Variants in LCOR observed in about 807,000 individuals in gnomAD.
LCOR encodes the protein ligand dependent nuclear receptor corepressor.
Under a neutral mutation model 64.4 loss-of-function variants are expected in LCOR, and 14 were observed. The ratio of observed to expected loss-of-function variants is 0.22; its 90% CI spans 0.14 to 0.34. The LOEUF (loss-of-function observed/expected upper bound fraction) is 0.34. Among genes scored for constraint, LCOR ranks in the 10% least tolerant of loss-of-function variants. The pLI, the probability that LCOR is intolerant of heterozygous loss-of-function variation, is 1.00. For missense variants in LCOR, 1,686 were observed against 1,765.3 expected (o/e 0.96, Z 0.80); for synonymous variants, 643 against 642.5 (o/e 1.00, Z -0.01).
At chr10:96,853,413 AAGAT>A (rs1474706066) in intron 2 of LCOR, among the ~76,000 whole-genome samples, 1 of 152,244 alleles carries the variant, frequency 6.6e-6, no homozygotes, top group African/African-American at 2.4e-5. Context: ...CTACCAAAAT[AAGAT>A]AGTGTTTCAG....
At chr10:96,867,198 G>A (rs1377384545) in intron 2 of LCOR, among the ~76,000 whole-genome samples, 1 of 151,922 alleles carries the variant, frequency 6.6e-6, no homozygotes, top group African/African-American at 2.4e-5. Flanking sequence ...TCTCCATGTT[G>A]GTCAGGCTGA....
At chr10:96,916,283 G>C (rs1017585395) in intron 4 of LCOR, among the ~76,000 whole-genome samples, 5 of 151,896 alleles carry the variant, frequency 3.3e-5, no homozygotes, top group Non-Finnish European at 7.4e-5. Flanking sequence ...CGCCCACCTC[G>C]GCCTCCCAAA....
At chr10:96,951,991 A>G in intron 6 of LCOR, 112 bp from the exon 7 acceptor site, 2 of 666,520 alleles carry the variant, frequency 3.0e-6, no homozygotes, top group South Asian at 3.8e-5. Context: ...TATGACTAGC[A>G]TATCTGCTTA....
In LCOR at chr10:96,832,308, G is replaced by A. The variant is rs1845347741; in HGVS notation, c.-495G>A. 1 of 982,848 alleles carries A rather than the reference G, an allele frequency of 1.0e-6. No individual in the cohort carries two copies. The highest frequency in any genetic ancestry group is 1.8e-5 in the African/African-American group (1 of 57,048). 60.9% of individuals were successfully genotyped at this position (982,848 alleles called of 1,614,324 possible). Reference sequence around the variant, plus strand: ...GGCCGGGCGGGCGGCAGAAGATGGCGAGGGTGTGTAGGCGGCAGCAATGCT... The same window carrying A: ...GGCCGGGCGGGCGGCAGAAGATGGCAAGGGTGTGTAGGCGGCAGCAATGCT... On this transcript the variant is annotated 5_prime_UTR_variant, in exon 1 of 8. Transcript: ENST00000421806.
intron 2 of LCOR, among the ~76,000 whole-genome samples, chr10:96,900,134 G>C (rs1428725747): frequency 6.6e-6 from 1 of 152,024 alleles, no homozygotes; most frequent in Non-Finnish European, 1.5e-5. Context: ...TCTATCTATA[G>C]ATTTGCCTTT....
intron 7 of LCOR, chr10:96,956,446 A>G (rs1589681969): frequency 1.0e-6 from 1 of 985,142 alleles, no homozygotes; most frequent in African/African-American, 1.7e-5. Context: ...TAAGAAGAAC[A>G]ATGAACCTTT....
At chr10:96,951,766 A>G (rs1847684898) in intron 6 of LCOR, among the ~76,000 whole-genome samples, 1 of 152,220 alleles carries the variant, frequency 6.6e-6, no homozygotes, top group Non-Finnish European at 1.5e-5. Context: ...AGGAAAATTT[A>G]GAAAATGGAG....
intron 4 of LCOR, among the ~76,000 whole-genome samples, chr10:96,935,522 T>C (rs1319854287): frequency 6.6e-6 from 1 of 152,130 alleles, no homozygotes; most frequent in Non-Finnish European, 1.5e-5. Flanking sequence ...GTTCATTTTA[T>C]TGGAAGGGTT....
chr10:96,934,211 A>G (rs1043066794), intron 4 of LCOR, among the ~76,000 whole-genome samples: 11 of 152,232 alleles, frequency 7.2e-5, no homozygotes, highest in Non-Finnish European at 1.3e-4. Flanking sequence ...GTAAGATTAC[A>G]TATATTGTTT....
chr10:96,968,929 C>T (rs1170749787), intron 7 of LCOR, among the ~76,000 whole-genome samples: 1 of 150,020 alleles, frequency 6.7e-6, no homozygotes, highest in Non-Finnish European at 1.5e-5. Context: ...AGTAAGAGAT[C>T]CTGTCTCCAA....
chr10:96,845,292 G>T (rs1055475551), intron 2 of LCOR, among the ~76,000 whole-genome samples: 3 of 151,838 alleles, frequency 2.0e-5, no homozygotes, highest in African/African-American at 7.3e-5. Flanking sequence ...AAAATGAGGG[G>T]AACGTCGGTG....
chr10:96,902,830 T>C (rs893718975), intron 2 of LCOR, among the ~76,000 whole-genome samples: 3 of 152,206 alleles, frequency 2.0e-5, no homozygotes, highest in African/African-American at 4.8e-5. Context: ...AATACAGTCA[T>C]GTGTTGCTTA....
chr10:96,931,704 T>G (rs1847264149), intron 4 of LCOR, among the ~76,000 whole-genome samples: 1 of 152,236 alleles, frequency 6.6e-6, no homozygotes, highest in African/African-American at 2.4e-5. Context: ...TCCTGAAAGC[T>G]GTATACAAAA....
intron 2 of LCOR, among the ~76,000 whole-genome samples, chr10:96,837,336 A>C (rs939733089): frequency 6.6e-6 from 1 of 151,852 alleles, no homozygotes; most frequent in African/African-American, 2.4e-5. Context: ...GGCTCACTGC[A>C]ACCTCCACCT....
intron 2 of LCOR, among the ~76,000 whole-genome samples, chr10:96,864,245 A>T (rs1408807166): frequency 6.6e-6 from 1 of 152,230 alleles, no homozygotes; most frequent in Non-Finnish European, 1.5e-5. Context: ...GGACAGTCCA[A>T]CATTCTGAGA....
At chr10:96,888,532 T>C (rs188562360) in intron 2 of LCOR, among the ~76,000 whole-genome samples, 1 of 152,122 alleles carries the variant, frequency 6.6e-6, no homozygotes, top group Non-Finnish European at 1.5e-5. Flanking sequence ...TGTAATTTTT[T>C]TTTGGTGTTA....
At chr10:96,852,923 T>G (rs1044513662) in intron 2 of LCOR, among the ~76,000 whole-genome samples, 3 of 152,244 alleles carry the variant, frequency 2.0e-5, no homozygotes, top group Non-Finnish European at 4.4e-5. Context: ...ACTTAAAACA[T>G]TTTAAAACAT....
chr10:96,875,671 G>A (rs1356293070), intron 2 of LCOR, among the ~76,000 whole-genome samples: 1 of 151,928 alleles, frequency 6.6e-6, no homozygotes, highest in Admixed American at 6.6e-5. Flanking sequence ...AGACCAACCT[G>A]GGCAACGTGG....
chr10:96,892,028 G>A (rs1446220410), intron 2 of LCOR, among the ~76,000 whole-genome samples: 1 of 152,138 alleles, frequency 6.6e-6, no homozygotes, highest in Non-Finnish European at 1.5e-5. Flanking sequence ...TGTTGCCCTA[G>A]AGGATGTTCC....
Sources: allele counts gnomAD v4.1 joint callset (sites outside exome capture counted in the v4.1 genomes callset), GRCh38; gene constraint gnomAD v4.1.1; transcripts MANE v1.5; gene names NCBI Gene and HGNC (gene_info 2026-07-23, HGNC 2026-07-21).